Variants in HS6ST3 observed in about 807,000 individuals in gnomAD.
HS6ST3 encodes the protein heparan-sulfate 6-O-sulfotransferase 3.
HS6ST3 carries 12 observed loss-of-function variants against 36.7 expected under a neutral mutation model. That is an observed-to-expected ratio of 0.33 (90% CI 0.21 to 0.53). The LOEUF (loss-of-function observed/expected upper bound fraction) is 0.53. Among genes scored for constraint, HS6ST3 ranks in the 20% least tolerant of loss-of-function variants. HS6ST3 has a pLI of 0.95. For missense variants in HS6ST3, 584 were observed against 640.9 expected, an observed-to-expected ratio of 0.91 and a Z score of 0.96; for synonymous variants, 240 against 257.5, an observed-to-expected ratio of 0.93 and a Z score of 0.65.
At chr13:96,315,256 C>T (rs1357518595) in intron 1 of HS6ST3, among the ~76,000 whole-genome samples, 1 of 151,934 alleles carries the variant, frequency 6.6e-6, no homozygotes, top group Non-Finnish European at 1.5e-5. Flanking sequence ...TGGTTATGAC[C>T]CAAGCCATTA....
At chr13:96,341,226 CAAAT>C (rs539056837) in intron 1 of HS6ST3, among the ~76,000 whole-genome samples, 96 of 152,088 alleles carry the variant, frequency 6.3e-4, no homozygotes, top group Non-Finnish European at 1.1e-3. Context: ...TTAAAACAAT[CAAAT>C]AAAGACTTAC....
chr13:96,822,621 T>C (rs1043416880), intron 1 of HS6ST3, among the ~76,000 whole-genome samples: 17 of 152,176 alleles, frequency 1.1e-4, no homozygotes, highest in African/African-American at 4.1e-4. Flanking sequence ...TCTCTCCCTC[T>C]AGGGAAGCAG....
At chr13:96,559,325 G>T (rs1032360146) in intron 1 of HS6ST3, among the ~76,000 whole-genome samples, 3 of 152,026 alleles carry the variant, frequency 2.0e-5, no homozygotes, top group African/African-American at 4.8e-5. Context: ...CACCATGTTG[G>T]CCAGGCTGGT....
intron 1 of HS6ST3, among the ~76,000 whole-genome samples, chr13:96,393,029 C>T (rs55977943): frequency 0.014 from 2,145 of 152,086 alleles, 57 homozygotes; most frequent in African/African-American, 0.047. Context: ...TCTCCCATAC[C>T]GTTTCCATGA....
intron 1 of HS6ST3, among the ~76,000 whole-genome samples, chr13:96,480,202 C>T (rs1361124943): frequency 6.6e-6 from 1 of 152,194 alleles, no homozygotes; most frequent in African/African-American, 2.4e-5. Context: ...CAACATCTGC[C>T]TTCTGGGTTC....
At chr13:96,346,418 C>CA (rs954715460) in intron 1 of HS6ST3, among the ~76,000 whole-genome samples, 3 of 151,748 alleles carry the variant, frequency 2.0e-5, no homozygotes, top group East Asian at 1.9e-4. Flanking sequence ...CCTAAAAATA[C>CA]AAAAAATTAG....
intron 1 of HS6ST3, among the ~76,000 whole-genome samples, chr13:96,512,633 A>G (rs926380941): frequency 6.6e-6 from 1 of 152,066 alleles, no homozygotes; most frequent in Non-Finnish European, 1.5e-5. Flanking sequence ...CTTGCTACAC[A>G]TTTATCAATT....
chr13:96,529,548 C>T (rs1443671170), intron 1 of HS6ST3, among the ~76,000 whole-genome samples: 1 of 152,052 alleles, frequency 6.6e-6, no homozygotes, highest in African/African-American at 2.4e-5. Flanking sequence ...GTAATTGCAA[C>T]CATAGTTATC....
chr13:96,251,360 C>A (rs1310815015), intron 1 of HS6ST3, among the ~76,000 whole-genome samples: 2 of 151,996 alleles, frequency 1.3e-5, no homozygotes, highest in Non-Finnish European at 2.9e-5. Flanking sequence ...TCTAGGTTAT[C>A]CAATTTGTAT....
chr13:96,778,278 A>G (rs1471601568), intron 1 of HS6ST3, among the ~76,000 whole-genome samples: 3 of 152,218 alleles, frequency 2.0e-5, no homozygotes, highest in African/African-American at 7.2e-5. Context: ...AGACTTCATG[A>G]TTAAAACACC....
intron 1 of HS6ST3, among the ~76,000 whole-genome samples, chr13:96,238,714 A>G (rs976450287): frequency 2.6e-5 from 4 of 152,248 alleles, no homozygotes; most frequent in African/African-American, 7.2e-5. Flanking sequence ...CCAAGAAGTC[A>G]GGTTGTTGTC....
chr13:96,582,701 C>T (rs2056346224), intron 1 of HS6ST3, among the ~76,000 whole-genome samples: 1 of 152,044 alleles, frequency 6.6e-6, no homozygotes, highest in Non-Finnish European at 1.5e-5. Context: ...ATTTCCTCTC[C>T]TACATATAGA....
At chr13:96,422,877 C>T (rs2055568488) in intron 1 of HS6ST3, among the ~76,000 whole-genome samples, 1 of 152,158 alleles carries the variant, frequency 6.6e-6, no homozygotes, top group African/African-American at 2.4e-5. Context: ...GACTTGCTTT[C>T]TTAAGCATCA....
intron 1 of HS6ST3, among the ~76,000 whole-genome samples, chr13:96,388,588 T>C (rs2055380159): frequency 6.6e-6 from 1 of 152,192 alleles, no homozygotes; most frequent in Non-Finnish European, 1.5e-5. Flanking sequence ...AATGTTATTC[T>C]TTCTATACTT....
intron 1 of HS6ST3, among the ~76,000 whole-genome samples, chr13:96,543,539 T>C (rs2056186237): frequency 6.6e-6 from 1 of 152,234 alleles, no homozygotes; most frequent in African/African-American, 2.4e-5. Context: ...GATAGAACTA[T>C]TTCAGGCCTG....
At chr13:96,429,221 T>G (rs897431142) in intron 1 of HS6ST3, among the ~76,000 whole-genome samples, 6 of 152,186 alleles carry the variant, frequency 3.9e-5, no homozygotes, top group African/African-American at 1.4e-4. Context: ...CAGGCTTAAG[T>G]GACAATGAAT....
chr13:96,738,910 G>GT (rs1332358975), intron 1 of HS6ST3, among the ~76,000 whole-genome samples: 1 of 151,920 alleles, frequency 6.6e-6, no homozygotes, highest in Non-Finnish European at 1.5e-5. Flanking sequence ...AACTTCTCTA[G>GT]TTTCTCCTGT....
At chr13:96,814,191 A>G (rs901112503) in intron 1 of HS6ST3, among the ~76,000 whole-genome samples, 7 of 152,168 alleles carry the variant, frequency 4.6e-5, no homozygotes, top group African/African-American at 1.7e-4. Flanking sequence ...TATTTATATT[A>G]GAATGCTTTT....
chr13:96,120,723 C>T (rs2053921402), intron 1 of HS6ST3, among the ~76,000 whole-genome samples: 1 of 152,160 alleles, frequency 6.6e-6, no homozygotes, highest in African/African-American at 2.4e-5. Flanking sequence ...ATAAAAAACA[C>T]AATTATAAAC....
Sources: gnomAD v4.1 joint callset for allele counts (sites outside exome capture counted in the v4.1 genomes callset) on GRCh38, gnomAD v4.1.1 for gene constraint, MANE v1.5 for transcripts, NCBI Gene and HGNC (gene_info 2026-07-23, HGNC 2026-07-21) for gene names.